The following THRB variants were observed in gnomAD, a reference collection of about 807,000 sequenced individuals.
THRB encodes thyroid hormone receptor beta.
A neutral mutation model predicts 47.8 loss-of-function variants in THRB; 12 were observed. That is an observed-to-expected ratio of 0.25 (90% CI 0.16 to 0.41). The LOEUF (loss-of-function observed/expected upper bound fraction) is 0.41, where lower values mean the gene tolerates loss of function less well. Among genes scored for constraint, THRB ranks in the 10% least tolerant of loss-of-function variants. The pLI is 1.00. For missense variants in THRB, 348 were observed against 589.2 expected (o/e 0.59, Z 4.24); for synonymous variants, 218 against 212.2 (o/e 1.03, Z -0.24).
At chr3:24,458,891 T>A (rs2073431578) in intron 1 of THRB, 1 of 151,716 alleles carries the variant, frequency 6.6e-6, no homozygotes, top group South Asian at 2.1e-4. Context: ...AAGAAAAAAA[T>A]TCAAGGTTCA....
At chr3:24,438,768 C>A (rs1316102444) in intron 1 of THRB, among the ~76,000 whole-genome samples, 2 of 151,954 alleles carry the variant, frequency 1.3e-5, no homozygotes, top group African/African-American at 4.8e-5. Flanking sequence ...AGTTACTGGC[C>A]CTCGGTAAGA....
At chr3:24,150,387 T>C (rs1196026600) in intron 6 of THRB, among the ~76,000 whole-genome samples, 6 of 152,142 alleles carry the variant, frequency 3.9e-5, no homozygotes, top group Non-Finnish European at 7.4e-5. Context: ...TATTAAGTGA[T>C]CCGCACAAGT....
At chr3:24,486,468 A>G (rs1697318918) in intron 1 of THRB, 1 of 152,192 alleles carries the variant, frequency 6.6e-6, no homozygotes, top group Non-Finnish European at 1.5e-5. Context: ...GAAGAAAAAA[A>G]TTACTTATTA....
intron 4 of THRB, among the ~76,000 whole-genome samples, chr3:24,203,037 G>C (rs1487118689): frequency 6.6e-6 from 1 of 152,202 alleles, no homozygotes; most frequent in Non-Finnish European, 1.5e-5. Flanking sequence ...TGCTTTGAGA[G>C]AGGTTCATCT....
intron 1 of THRB, among the ~76,000 whole-genome samples, chr3:24,477,523 T>C (rs1488781074): frequency 2.0e-5 from 3 of 152,086 alleles, no homozygotes; most frequent in Non-Finnish European, 4.4e-5. Context: ...TCTAATCAGC[T>C]CTTGGTGATG....
intron 1 of THRB, among the ~76,000 whole-genome samples, chr3:24,483,553 G>A (rs941331489): frequency 6.6e-6 from 1 of 150,824 alleles, no homozygotes; most frequent in African/African-American, 2.4e-5. Flanking sequence ...GGATTCATCA[G>A]CAAGTTCCCA....
intron 3 of THRB, among the ~76,000 whole-genome samples, chr3:24,296,145 C>T (rs990176419): frequency 6.6e-6 from 1 of 152,270 alleles, no homozygotes; most frequent in Non-Finnish European, 1.5e-5. Flanking sequence ...TCAGATATGC[C>T]TTTATTGCCA....
intron 4 of THRB, among the ~76,000 whole-genome samples, chr3:24,201,241 G>A (rs542289848): frequency 1.5e-4 from 23 of 152,064 alleles, no homozygotes; most frequent in African/African-American, 4.1e-4. Flanking sequence ...TAGAGTTGGC[G>A]AGGTTGGGGC....
At chr3:24,421,584 T>C (rs1187487667) in intron 1 of THRB, among the ~76,000 whole-genome samples, 1 of 151,870 alleles carries the variant, frequency 6.6e-6, no homozygotes, top group African/African-American at 2.4e-5. Context: ...AGGTTGTATG[T>C]ATGACAGTTT....
At chr3:24,474,603 A>G (rs529771508) in intron 1 of THRB, among the ~76,000 whole-genome samples, 1 of 152,344 alleles carries the variant, frequency 6.6e-6, no homozygotes, top group East Asian at 1.9e-4. Context: ...CAGGTTTCCT[A>G]TGTAAGGAAA....
At chr3:24,481,410 AG>A (rs2125876375) in intron 1 of THRB, among the ~76,000 whole-genome samples, 1 of 152,100 alleles carries the variant, frequency 6.6e-6, no homozygotes, top group African/African-American at 2.4e-5. Flanking sequence ...TTATATGAAA[AG>A]AGCTTGCATG....
At chr3:24,166,014 T>C (rs2039599569) in intron 5 of THRB, among the ~76,000 whole-genome samples, 1 of 152,232 alleles carries the variant, frequency 6.6e-6, no homozygotes, top group African/African-American at 2.4e-5. Flanking sequence ...AATCTGTTGT[T>C]GAATGTTACT....
At chr3:24,355,651 C>T (rs1455405982) in intron 1 of THRB, among the ~76,000 whole-genome samples, 3 of 152,072 alleles carry the variant, frequency 2.0e-5, no homozygotes, top group Admixed American at 2.0e-4. Flanking sequence ...AATTTTTCTA[C>T]ACTGTAATTC....
At chr3:24,462,685 T>C (rs917326513) in intron 1 of THRB, among the ~76,000 whole-genome samples, 1 of 152,202 alleles carries the variant, frequency 6.6e-6, no homozygotes, top group Non-Finnish European at 1.5e-5. Flanking sequence ...CCTTGCAACA[T>C]ACAGAGGGGA....
chr3:24,418,507 T>C (rs1461466693), intron 1 of THRB, among the ~76,000 whole-genome samples: 1 of 151,906 alleles, frequency 6.6e-6, no homozygotes, highest in Non-Finnish European at 1.5e-5. Flanking sequence ...GATTATGATA[T>C]GGTAAATGAA....
At chr3:24,123,281 C>G (rs1251928172) in intron 10 of THRB, among the ~76,000 whole-genome samples, 156 bp from the exon 11 acceptor site, 1 of 152,098 alleles carries the variant, frequency 6.6e-6, no homozygotes, top group Non-Finnish European at 1.5e-5. Context: ...GCTCCAGGGA[C>G]CAGGTACCAG....
intron 1 of THRB, among the ~76,000 whole-genome samples, chr3:24,343,505 C>T (rs948987997): frequency 2.6e-5 from 4 of 152,166 alleles, no homozygotes; most frequent in African/African-American, 9.7e-5. Flanking sequence ...TGGGCAACAT[C>T]CATCTGTTAT....
intron 5 of THRB, among the ~76,000 whole-genome samples, chr3:24,153,103 T>C (rs1418348708): frequency 6.6e-6 from 1 of 152,166 alleles, no homozygotes; most frequent in Non-Finnish European, 1.5e-5. Context: ...CTGTGAGTTC[T>C]AGATAACACA....
At chr3:24,324,659 A>C (rs971248808) in intron 2 of THRB, among the ~76,000 whole-genome samples, 33 of 152,370 alleles carry the variant, frequency 2.2e-4, no homozygotes, top group African/African-American at 7.7e-4. Context: ...TTCATTAACA[A>C]CATATTAAAT....
Sources: allele counts gnomAD v4.1 joint callset (sites outside exome capture counted in the v4.1 genomes callset), GRCh38; gene constraint gnomAD v4.1.1; transcripts MANE v1.5; gene names NCBI Gene and HGNC (gene_info 2026-07-23, HGNC 2026-07-21).